Variants in TTLL11 observed in about 807,000 individuals in gnomAD.
TTLL11 encodes tubulin polyglutamylase TTLL11.
Under a neutral mutation model 51.7 loss-of-function variants are expected in TTLL11, and 42 were observed. That is an observed-to-expected ratio of 0.81 (90% CI 0.64 to 1.05). The LOEUF (loss-of-function observed/expected upper bound fraction) is 1.05, where lower values mean the gene tolerates loss of function less well. Among genes scored for constraint, TTLL11 ranks in the 50% least tolerant of loss-of-function variants. The probability of loss-of-function intolerance (pLI) is 0.00; values close to 1 mark genes in which losing one functional copy is unlikely to be tolerated. For synonymous variants in TTLL11, 381 were observed against 383.5 expected, an observed-to-expected ratio of 0.99 and a Z score of 0.08; for missense variants, 799 against 940.4, an observed-to-expected ratio of 0.85 and a Z score of 1.97.
intron 7 of TTLL11, among the ~76,000 whole-genome samples, chr9:121,869,970 T>C (rs949929064): frequency 6.6e-6 from 1 of 152,256 alleles, no homozygotes; most frequent in African/African-American, 2.4e-5. Flanking sequence ...TCATGCTTTA[T>C]CTTGAAAATT....
intron 6 of TTLL11, among the ~76,000 whole-genome samples, chr9:121,887,919 C>A (rs893641690): frequency 6.6e-6 from 1 of 152,128 alleles, no homozygotes; most frequent in African/African-American, 2.4e-5. Flanking sequence ...CAGGCAACCC[C>A]AACACCCAGT....
intron 6 of TTLL11, chr9:121,885,568 C>T (rs1447934939): frequency 6.6e-6 from 1 of 152,230 alleles, no homozygotes; most frequent in East Asian, 1.9e-4. Context: ...CCATAAGAGA[C>T]CGTTTCCCTA....
intron 6 of TTLL11, among the ~76,000 whole-genome samples, chr9:121,970,484 T>A (rs1842518675): frequency 6.6e-6 from 1 of 152,246 alleles, no homozygotes; most frequent in African/African-American, 2.4e-5. Context: ...CTCTTGAACT[T>A]CTTGCTCCCA....
intron 3 of TTLL11, among the ~76,000 whole-genome samples, chr9:122,023,871 G>A (rs182071879): frequency 1.3e-3 from 200 of 152,098 alleles, no homozygotes; most frequent in African/African-American, 4.6e-3. Context: ...GATGAAAGAC[G>A]AAATCCATAA....
chr9:121,910,732 T>C (rs541750866), intron 6 of TTLL11, among the ~76,000 whole-genome samples: 11 of 152,352 alleles, frequency 7.2e-5, no homozygotes, highest in African/African-American at 2.6e-4. Flanking sequence ...CAAAAAAAAT[T>C]CTTTCCTGTA....
chr9:121,983,060 G>A (rs1007218616), intron 4 of TTLL11, among the ~76,000 whole-genome samples: 2 of 152,224 alleles, frequency 1.3e-5, no homozygotes, highest in African/African-American at 4.8e-5. Context: ...TCAAGTGCGA[G>A]GTGATGGCTG....
chr9:121,930,122 T>A (rs1564310936), intron 6 of TTLL11, among the ~76,000 whole-genome samples: 1 of 152,164 alleles, frequency 6.6e-6, no homozygotes, highest in Admixed American at 6.5e-5. Flanking sequence ...CCCAATCAAC[T>A]TCCACCATCT....
At chr9:121,825,493 G>A (rs1836724755) in intron 8 of TTLL11, among the ~76,000 whole-genome samples, 3 of 152,144 alleles carry the variant, frequency 2.0e-5, no homozygotes, top group African/African-American at 2.4e-5. Flanking sequence ...ATAATAGCAC[G>A]TCTTCCTCTA....
chr9:121,831,039 A>T (rs1836987866), intron 8 of TTLL11, among the ~76,000 whole-genome samples: 1 of 152,096 alleles, frequency 6.6e-6, no homozygotes, highest in Non-Finnish European at 1.5e-5. Flanking sequence ...TAGATACTGG[A>T]TATGGTCCGA....
chr9:122,082,595 A>G (rs1197825409), intron 1 of TTLL11, among the ~76,000 whole-genome samples: 1 of 152,186 alleles, frequency 6.6e-6, no homozygotes, highest in African/African-American at 2.4e-5. Flanking sequence ...ACATCCGTCA[A>G]TAAATTATGG....
At chr9:121,996,664 A>G (rs1304761646) in intron 3 of TTLL11, among the ~76,000 whole-genome samples, 1 of 152,248 alleles carries the variant, frequency 6.6e-6, no homozygotes, top group Admixed American at 6.5e-5. Flanking sequence ...ACCAACCTAA[A>G]TAATACATTA....
At chr9:122,011,758 A>G (rs924124454) in intron 3 of TTLL11, among the ~76,000 whole-genome samples, 2 of 152,240 alleles carry the variant, frequency 1.3e-5, no homozygotes, top group East Asian at 3.8e-4. Flanking sequence ...TATTCTTACA[A>G]TTTATCAGTA....
At chr9:122,012,808 C>G (rs1199750225) in intron 3 of TTLL11, among the ~76,000 whole-genome samples, 1 of 152,128 alleles carries the variant, frequency 6.6e-6, no homozygotes, top group African/African-American at 2.4e-5. Context: ...ATCTCAAGAT[C>G]AGATTTTTAT....
chr9:121,854,497 A>C (rs1334327002), intron 8 of TTLL11, among the ~76,000 whole-genome samples: 2 of 152,146 alleles, frequency 1.3e-5, no homozygotes, highest in African/African-American at 4.8e-5. Context: ...AAATAGCAAA[A>C]ACATCTGGCT....
intron 6 of TTLL11, among the ~76,000 whole-genome samples, chr9:121,923,725 G>T (rs1047257221): frequency 4.6e-5 from 7 of 152,236 alleles, no homozygotes; most frequent in African/African-American, 1.7e-4. Flanking sequence ...TCTGGCTCAA[G>T]CCTGAGCTTT....
At chr9:121,992,986 A>G (rs908254830) in intron 3 of TTLL11, among the ~76,000 whole-genome samples, 1 of 152,256 alleles carries the variant, frequency 6.6e-6, no homozygotes, top group African/African-American at 2.4e-5. Context: ...AAATGGATGC[A>G]TCCTGAGGAT....
At chr9:121,975,718 C>A (rs899878236) in intron 4 of TTLL11, among the ~76,000 whole-genome samples, 6 of 152,064 alleles carry the variant, frequency 3.9e-5, no homozygotes, top group Non-Finnish European at 5.9e-5. Flanking sequence ...TCTCAAAAAA[C>A]AAACAAACAA....
chr9:121,978,535 C>T (rs535855039), intron 4 of TTLL11, among the ~76,000 whole-genome samples: 3 of 152,106 alleles, frequency 2.0e-5, no homozygotes, highest in African/African-American at 7.2e-5. Context: ...TGCAGCTTAG[C>T]ATGGGGAAAG....
At chr9:122,052,394 G>T (rs953384038) in intron 1 of TTLL11, among the ~76,000 whole-genome samples, 2 of 152,222 alleles carry the variant, frequency 1.3e-5, no homozygotes, top group African/African-American at 2.4e-5. Flanking sequence ...TGGGGCTGGT[G>T]GGGAAGCCCA....
Sources: allele counts gnomAD v4.1 joint callset (sites outside exome capture counted in the v4.1 genomes callset), GRCh38; gene constraint gnomAD v4.1.1; transcripts MANE v1.5; gene names NCBI Gene and HGNC (gene_info 2026-07-23, HGNC 2026-07-21).